Variants in NECAB3 observed in about 807,000 individuals in gnomAD.
The protein encoded by NECAB3 is N-terminal EF-hand calcium-binding protein 3.
NECAB3 carries 38 observed loss-of-function variants against 57.2 expected under a neutral mutation model. The observed-to-expected ratio is 0.66, with a 90% CI of 0.51 to 0.87. The LOEUF (loss-of-function observed/expected upper bound fraction) is 0.87, where lower values mean the gene tolerates loss of function less well. NECAB3 is among the 40% of genes least tolerant of loss of function. NECAB3 has a pLI of 0.00. For missense variants in NECAB3, 474 were observed against 527.5 expected (o/e 0.90, Z 0.99); for synonymous variants, 223 against 222.6 (o/e 1.00, Z -0.02).
intron 5 of NECAB3, chr20:33,667,717 C>G: frequency 6.2e-7 from 1 of 1,612,216 alleles, no homozygotes; most frequent in Middle Eastern, 1.6e-4. Context: ...GGCCCTGCCC[C>G]GCAAGGCCAT....
chr20:33,658,370 C>T, intron 10 of NECAB3, 107 bp downstream of exon 10: 1 of 1,179,352 alleles, frequency 8.5e-7, no homozygotes, highest in Non-Finnish European at 1.2e-6. Context: ...TGGGGTCACT[C>T]ATCTGAGGTC....
chr20:33,669,293 G>C, intron 5 of NECAB3, 82 bp downstream of exon 5: 1 of 1,450,888 alleles, frequency 6.9e-7, no homozygotes, highest in South Asian at 1.2e-5. Flanking sequence ...ATAACCCTGA[G>C]TCAAGACTGT....
upstream of NECAB3, chr20:33,675,257 C>G (rs1363864967): frequency 6.5e-6 from 1 of 153,120 alleles, no homozygotes; most frequent in African/African-American, 2.4e-5. Context: ...TGCAGATCTC[C>G]TCTTTCAGAC....
At chr20:33,663,099 C>T (rs1389749637) in intron 5 of NECAB3, among the ~76,000 whole-genome samples, 1 of 152,186 alleles carries the variant, frequency 6.6e-6, no homozygotes, top group Non-Finnish European at 1.5e-5. Flanking sequence ...GTTGGTACTA[C>T]TGGAGCTAGA....
At chr20:33,662,169 G>T in intron 5 of NECAB3, 1 of 777,420 alleles carries the variant, frequency 1.3e-6, no homozygotes. Context: ...TTTTACAGCT[G>T]AGAAACCAAG....
At chr20:33,668,505 G>A (rs1193827723) in intron 5 of NECAB3, 3 of 401,034 alleles carry the variant, frequency 7.5e-6, no homozygotes, top group Non-Finnish European at 1.4e-5. Flanking sequence ...TAAAGGTGAT[G>A]CCCCACTTGT....
chr20:33,664,461 G>A lies in NECAB3; in HGVS notation c.388-4066C>T, dbSNP rs1219348984. ...GTGCTTGGTAACCCCAAAGCATTCA[G>A]GCCCCCCAGTCTTCCCCAAGGCACC... On this transcript the variant is annotated intron_variant, in intron 5 of 11. Transcript: ENST00000246190. 5 of 188,252 alleles carry A rather than the reference G, an allele frequency of 2.7e-5. No individual in the cohort carries two copies. In the South Asian group the frequency reaches 3.5e-4, roughly 13 times the overall value. The allele number at this position is 188,252 out of a possible 1,614,324, so 11.7% of individuals were successfully genotyped here.
chr20:33,670,069 G>C (rs1204930461), intron 3 of NECAB3: 4 of 266,390 alleles, frequency 1.5e-5, no homozygotes, highest in African/African-American at 8.9e-5. Flanking sequence ...GTATTTAGTT[G>C]TAGGTTAGGG....
At chr20:33,668,284 A>C in intron 5 of NECAB3, 1 of 1,534,566 alleles carries the variant, frequency 6.5e-7, no homozygotes, top group Non-Finnish European at 8.8e-7. Context: ...ACAGCTCTCT[A>C]TCTAAAGAGT....
intron 5 of NECAB3, chr20:33,662,224 G>A: frequency 7.5e-7 from 1 of 1,328,572 alleles, no homozygotes; most frequent in South Asian, 1.5e-5. Flanking sequence ...GTGGGCCCTG[G>A]AAGGCGGTGC....
intron 5 of NECAB3, chr20:33,664,848 C>G (rs2017599792): frequency 6.6e-6 from 1 of 152,286 alleles, no homozygotes; most frequent in Non-Finnish European, 1.5e-5. Context: ...ACTGAAGTCC[C>G]AGCTCACTAC....
chr20:33,662,406 C>T (rs1343382436), intron 5 of NECAB3: 1 of 1,551,632 alleles, frequency 6.4e-7, no homozygotes, highest in Admixed American at 2.0e-5. Context: ...CAAGGAGAGG[C>T]CGGCTGACAT....
Position 33,660,050 on chromosome 20 carries a change from G to A in NECAB3, c.525-47C>T, listed in dbSNP as rs372752510. 242 of 1,548,862 alleles carry A rather than the reference G, an allele frequency of 1.6e-4. 1 individual carries two copies. The African/African-American group carries it at 1.9e-3, about 12-fold the overall frequency. ...GGGCCGAGGACTGGGGCCCCAGGAC[G>A]GGATAAGCCTGGGTGGGGAAGACAA... On this transcript the variant is annotated intron_variant, in intron 6 of 11. Transcript: ENST00000246190. The surrounding 1 kb of genome is among the most constrained non-coding windows in gnomAD (Gnocchi z 4.1).
Position 33,660,109 on chromosome 20 carries a change from C to T in NECAB3, c.525-106G>A. On this transcript the variant is annotated intron_variant, in intron 6 of 11. Coordinates refer to ENST00000246190, the MANE Select transcript of NECAB3 (RefSeq NM_031232.4). The surrounding 1 kb of genome is among the most constrained non-coding windows in gnomAD (Gnocchi z 4.1). ...GGACTCCGAGGCCTAGCCCCAAAGC[C>T]AGTCTCATTTCACCCCGCCATGGCT... The T allele has an allele frequency of 6.6e-7, 1 of 1,524,922 alleles. No individual in the cohort carries two copies. Among genetic ancestry groups the T allele is most frequent in the Non-Finnish European group, 8.8e-7 (1 of 1,138,748 alleles). 94.5% of individuals were successfully genotyped at this position (1,524,922 alleles called of 1,614,324 possible).
At chr20:33,667,318 G>A (rs111960244) in intron 5 of NECAB3, 6 of 780,716 alleles carry the variant, frequency 7.7e-6, no homozygotes, top group Non-Finnish European at 1.8e-6. Context: ...CATCAAGCAC[G>A]GCGTGGTGGC....
At chr20:33,671,030 G>A (rs1256130569) in intron 2 of NECAB3, among the ~76,000 whole-genome samples, 5 of 152,256 alleles carry the variant, frequency 3.3e-5, no homozygotes, top group African/African-American at 9.6e-5. Context: ...GGACAGGGCA[G>A]TATGTACATA....
intron 5 of NECAB3, among the ~76,000 whole-genome samples, chr20:33,668,884 A>G (rs1428956915): frequency 6.6e-6 from 1 of 152,222 alleles, no homozygotes; most frequent in Non-Finnish European, 1.5e-5. Context: ...GCACTGTTCG[A>G]GCTTGTGTAT....
rs147123697 is a variant in NECAB3, at chr20:33,664,171, C to T, written c.388-3776G>A. 984 of 363,216 alleles carry T rather than the reference C, an allele frequency of 2.7e-3. 8 individuals are homozygous for T. Among genetic ancestry groups the T allele is most frequent in the African/African-American group, 0.019 (912 of 47,406 alleles). The allele number at this position is 363,216 out of a possible 1,614,324, so 22.5% of individuals were successfully genotyped here. On this transcript the variant is annotated intron_variant, in intron 5 of 11. Transcript: ENST00000246190. The stretch of plus-strand genomic sequence containing the variant: ...TCACATCCTGCCCAGTCTGCAGGCT[C>T]AAGGGAGGTGGGCTTGGGCAAACCC...
At chr20:33,659,800 G>T (rs1264455435) in intron 7 of NECAB3, 68 bp from the exon 8 acceptor site, 5 of 1,531,758 alleles carry the variant, frequency 3.3e-6, no homozygotes, top group Non-Finnish European at 3.5e-6. Flanking sequence ...AGAATGAAGT[G>T]AGGGGCAGTG....
Sources: gnomAD v4.1 joint callset for allele counts (sites outside exome capture counted in the v4.1 genomes callset) on GRCh38, gnomAD v4.1.1 for gene constraint, Gnocchi (gnomAD v3.1) non-coding constraint, MANE v1.5 for transcripts, NCBI Gene and HGNC (gene_info 2026-07-23, HGNC 2026-07-21) for gene names.